KLRD1: variants seen among roughly 807,000 people sequenced by gnomAD.
KLRD1 encodes killer cell lectin like receptor D1.
A neutral mutation model predicts 22.6 loss-of-function variants in KLRD1; 21 were observed. The observed-to-expected ratio is 0.93, with a 90% CI of 0.66 to 1.34. The LOEUF (loss-of-function observed/expected upper bound fraction) is 1.34. KLRD1 is among the 40% of genes most tolerant of loss of function. The pLI, the probability that KLRD1 is intolerant of heterozygous loss-of-function variation, is 0.00. For synonymous variants in KLRD1, 59 were observed against 71.1 expected, an observed-to-expected ratio of 0.83 and a Z score of 0.85; for missense variants, 183 against 208.6, an observed-to-expected ratio of 0.88 and a Z score of 0.76.
At chr12:10,289,219 C>T (rs925604731) in intron 1 of KLRD1, among the ~76,000 whole-genome samples, 13 of 152,196 alleles carry the variant, frequency 8.5e-5, no homozygotes, top group Admixed American at 6.5e-5. Context: ...CCCAACAGTT[C>T]ACCACAGAGA....
rs745560932 is a variant in KLRD1 at position 10,323,634 on chromosome 12, A to G, written c.*8841A>G. 14 of 151,950 alleles carry G rather than the reference A, an allele frequency of 9.2e-5. No homozygotes were observed. The highest frequency in any genetic ancestry group is 1.9e-4 in the Non-Finnish European group (13 of 67,960). The allele number at this position is 151,950 out of a possible 1,614,324, so 9.4% of individuals were successfully genotyped here. A position where few individuals can be genotyped will look rare whatever the true frequency, so the allele number is the denominator to read the frequency against. ...TCAGCAATATATAAAACACCTACTA[A>G]CCTCAAAAGTATCCTTTCCCCTATG... On this transcript the variant is annotated 3_prime_UTR_variant, in exon 6 of 6. Coordinates refer to ENST00000336164, the MANE Select transcript of KLRD1 (RefSeq NM_002262.5).
At chr12:10,254,880 G>T (rs975158556) in intron 1 of KLRD1, among the ~76,000 whole-genome samples, 19 of 138,430 alleles carry the variant, frequency 1.4e-4, no homozygotes, top group Non-Finnish European at 3.2e-5. Context: ...GCAACAGAGC[G>T]AGATCAGTCT....
intron 1 of KLRD1, among the ~76,000 whole-genome samples, chr12:10,282,788 T>G (rs1438570729): frequency 1.3e-5 from 2 of 152,152 alleles, no homozygotes; most frequent in Admixed American, 1.3e-4. Context: ...GAGCGACGTT[T>G]GACGTAGAGA....
chr12:10,312,662 G>A (rs1290147303), intron 4 of KLRD1, among the ~76,000 whole-genome samples: 1 of 150,922 alleles, frequency 6.6e-6, no homozygotes, highest in Non-Finnish European at 1.5e-5. Flanking sequence ...ACAGGCGTGA[G>A]CCACCGTGCC....
intron 5 of KLRD1, 142 bp from the exon 6 acceptor site, chr12:10,314,531 A>G: frequency 1.7e-6 from 1 of 594,160 alleles, no homozygotes; most frequent in Non-Finnish European, 2.7e-6. Flanking sequence ...AATCATGAAA[A>G]TTGTGGTTAC....
Position 10,318,236 on chromosome 12 carries a change from G to A in KLRD1, c.*3443G>A, listed in dbSNP as rs1464763003. 2.6e-5 allele frequency: 4 copies of A among 152,146 alleles called. No homozygotes were observed. Among genetic ancestry groups the A allele is most frequent in the African/African-American group, 9.7e-5 (4 of 41,426 alleles). The allele number at this position is 152,146 out of a possible 1,614,324, so 9.4% of individuals were successfully genotyped here. A position where few individuals can be genotyped will look rare whatever the true frequency, so the allele number is the denominator to read the frequency against. On this transcript the variant is annotated 3_prime_UTR_variant, in exon 6 of 6. Coordinates refer to ENST00000336164, the MANE Select transcript of KLRD1 (RefSeq NM_002262.5). ...ACTCTTGGCCATGATATGGGTAGTA[G>A]GCTAACTAACTAGCTAACAAATGGT...
Position 10,313,522 on chromosome 12 carries a change from C to G in KLRD1, c.419+9C>G. ...GCACTCTCCCAGTATCTGTAAGTTT[C>G]TGGCAATCATGGCGTTTTTTGCTCT... is the stretch of plus-strand genomic sequence containing the variant. On this transcript the variant is annotated intron_variant, in intron 5 of 5. Transcript: ENST00000336164. 1 of 1,509,694 alleles carries G rather than the reference C, an allele frequency of 6.6e-7. No homozygotes were observed. Among genetic ancestry groups the G allele is most frequent in the Non-Finnish European group, 9.0e-7 (1 of 1,113,592 alleles). 93.5% of individuals were successfully genotyped at this position (1,509,694 alleles called of 1,614,324 possible).
At chr12:10,311,248 T>C (rs1035864772) in intron 3 of KLRD1, among the ~76,000 whole-genome samples, 1 of 152,220 alleles carries the variant, frequency 6.6e-6, no homozygotes, top group African/African-American at 2.4e-5. Context: ...GAAAATTATA[T>C]AATTGTAATT....
chr12:10,293,802 A>C (rs2137670156), intron 1 of KLRD1, among the ~76,000 whole-genome samples: 1 of 152,358 alleles, frequency 6.6e-6, no homozygotes, highest in East Asian at 1.9e-4. Flanking sequence ...GTGCAGTAAA[A>C]TGAGGTGTGT....
chr12:10,268,260 C>T (rs1193965638), intron 1 of KLRD1, among the ~76,000 whole-genome samples: 1 of 152,128 alleles, frequency 6.6e-6, no homozygotes, highest in African/African-American at 2.4e-5. Flanking sequence ...ACACAGGTGG[C>T]CCCTAGCGTC....
At chr12:10,250,291 T>G (rs1309827763) in intron 1 of KLRD1, among the ~76,000 whole-genome samples, 1 of 149,374 alleles carries the variant, frequency 6.7e-6, no homozygotes, top group Non-Finnish European at 1.5e-5. Context: ...TTCCCCTGAG[T>G]CATTTGGCCC....
At chr12:10,284,812 TCTCTACTAAAAA>T (rs1214826946) in intron 1 of KLRD1, among the ~76,000 whole-genome samples, 1 of 151,972 alleles carries the variant, frequency 6.6e-6, no homozygotes, top group East Asian at 1.9e-4. Context: ...AGAAATCCCG[TCTCTACTAAAAA>T]TACAAAATTA....
chr12:10,248,667 G>A (rs112894263), intron 1 of KLRD1, among the ~76,000 whole-genome samples: 1 of 144,072 alleles, frequency 6.9e-6, no homozygotes, highest in African/African-American at 2.6e-5. Flanking sequence ...GCGTGATCTC[G>A]GCTCACTGCA....
intron 1 of KLRD1, among the ~76,000 whole-genome samples, chr12:10,299,185 T>G (rs1417673042): frequency 6.6e-6 from 1 of 152,132 alleles, no homozygotes; most frequent in Non-Finnish European, 1.5e-5. Flanking sequence ...ATTCTGCGTT[T>G]TTTTTTTTTA....
chr12:10,325,005 T>C lies in KLRD1; in HGVS notation c.*10212T>C, dbSNP rs564928140. 2.0e-5 allele frequency: 3 copies of C among 151,858 alleles called. No individual in the cohort carries two copies. Among genetic ancestry groups the C allele is most frequent in the African/African-American group, 4.8e-5 (2 of 41,460 alleles). The allele number at this position is 151,858 out of a possible 1,614,324, so 9.4% of individuals were successfully genotyped here. On this transcript the variant is annotated 3_prime_UTR_variant, in exon 6 of 6. Coordinates refer to ENST00000336164, the MANE Select transcript of KLRD1 (RefSeq NM_002262.5). ...AAAACTGTGTGCCTTTAATTCTTTT[T>C]ATCACCTTGTCACAGTGGCCAGAAT...
intron 1 of KLRD1, among the ~76,000 whole-genome samples, chr12:10,279,715 A>C (rs956328382): frequency 6.6e-6 from 1 of 152,128 alleles, no homozygotes; most frequent in African/African-American, 2.4e-5. Context: ...TTCCATCCTT[A>C]TATTATTTCT....
chr12:10,280,770 G>A (rs537314812), intron 1 of KLRD1, among the ~76,000 whole-genome samples: 1 of 152,308 alleles, frequency 6.6e-6, no homozygotes, highest in African/African-American at 2.4e-5. Context: ...AAAAAAGCAT[G>A]GAGAATGGAG....
chr12:10,266,400 A>G lies in KLRD1; in HGVS notation c.-101+40167A>G, dbSNP rs548994708. Among the ~76,000 whole-genome samples, 4 of 152,166 alleles carry G rather than the reference A, an allele frequency of 2.6e-5. No individual in the cohort carries two copies. The East Asian group carries it at 7.7e-4, about 29-fold the overall frequency. The stretch of plus-strand genomic sequence containing the variant: ...TTTAAAATACATTCTCATTTCCATG[A>G]TTACCTTTGAAGTTGGACATTTTTC... On this transcript the variant is annotated intron_variant, in intron 1 of 5. Transcript: ENST00000544747.
upstream of KLRD1, among the ~76,000 whole-genome samples, chr12:10,302,888 C>T (rs74686241): frequency 0.016 from 2,481 of 152,262 alleles, 61 homozygotes; most frequent in African/African-American, 0.056. Context: ...ACTACACCTA[C>T]ACTTTAGCAG....
Sources: gnomAD v4.1 joint callset for allele counts (sites outside exome capture counted in the v4.1 genomes callset) on GRCh38, gnomAD v4.1.1 for gene constraint, MANE v1.5 for transcripts, NCBI Gene and HGNC (gene_info 2026-07-23, HGNC 2026-07-21) for gene names.